Variants in TMIGD1 observed in about 807,000 individuals in gnomAD.
TMIGD1 encodes the protein transmembrane and immunoglobulin domain-containing protein 1.
A neutral mutation model predicts 27.5 loss-of-function variants in TMIGD1; 29 were observed. The observed-to-expected ratio is 1.05, with a 90% CI of 0.78 to 1.44. The LOEUF (loss-of-function observed/expected upper bound fraction) is 1.44, where lower values mean the gene tolerates loss of function less well. TMIGD1 is among the 40% of genes most tolerant of loss of function. TMIGD1 has a pLI of 0.00. For synonymous variants in TMIGD1, 109 were observed against 110.3 expected (o/e 0.99, Z 0.07); for missense variants, 334 against 310.6 (o/e 1.08, Z -0.57).
At chr17:30,320,192 C>T (rs1355999348) in intron 4 of TMIGD1, among the ~76,000 whole-genome samples, 1 of 151,994 alleles carries the variant, frequency 6.6e-6, no homozygotes, top group East Asian at 1.9e-4. Context: ...CACGTGCTAC[C>T]ATACCGAGAT....
intron 4 of TMIGD1, 126 bp from the exon 5 acceptor site, chr17:30,319,039 A>C (rs6505173): frequency 2.9e-6 from 2 of 680,422 alleles, no homozygotes; most frequent in Admixed American, 4.7e-5. Flanking sequence ...AATCTCAAAA[A>C]GTAGGTATGA....
rs1189637037 is a variant in TMIGD1 at position 30,316,637 on chromosome 17, G to A, written c.*50C>T. On this transcript the variant is annotated 3_prime_UTR_variant, in exon 7 of 7. Coordinates refer to ENST00000328886, the MANE Select transcript of TMIGD1 (RefSeq NM_206832.3). ...ATACAGATGGGACTACATAAATTGTGGAGGTCCTGATGCAAAACTCTCTCT... is the reference window on the plus strand; with the variant it reads ...ATACAGATGGGACTACATAAATTGTAGAGGTCCTGATGCAAAACTCTCTCT... 6.3e-7 allele frequency: 1 copy of A among 1,599,934 alleles called. No individual in the cohort carries two copies. Among genetic ancestry groups the A allele is most frequent in the Admixed American group, 1.7e-5 (1 of 59,148 alleles).
chr17:30,321,085 T>C (rs542963315), intron 4 of TMIGD1, among the ~76,000 whole-genome samples: 1 of 152,212 alleles, frequency 6.6e-6, no homozygotes, highest in East Asian at 1.9e-4. Flanking sequence ...CTCGAACTCC[T>C]GACATTAAGT....
chr17:30,332,120 C>T lies in TMIGD1; in HGVS notation c.14G>A (p.Ser5Asn). The change falls in exon 2 of 7, where the codon AGC becomes AAC. Residue 5 changes from serine (S) to asparagine (N), a missense_variant. Transcript: ENST00000328886. MAWKSSVIMQMGRFL... is the reference protein window; with the variant it reads MAWKNSVIMQMGRFL... ...TCTTCCCATTTGCATTATGACACTG[C>T]TCTTCCATGCCATCTTTAATGAGTT... 6.2e-7 allele frequency: 1 copy of T among 1,612,930 alleles called. No individual in the cohort carries two copies. Among genetic ancestry groups the T allele is most frequent in the Non-Finnish European group, 8.5e-7 (1 of 1,179,434 alleles).
At position 30,316,624 on chromosome 17, in the gene TMIGD1, C is replaced by A. The variant is rs761818137; in HGVS notation, c.*63G>T. 5.2e-6 allele frequency: 8 copies of A among 1,547,298 alleles called. No homozygotes were observed. Among genetic ancestry groups the A allele is most frequent in the Non-Finnish European group, 7.1e-6 (8 of 1,123,462 alleles). On this transcript the variant is annotated 3_prime_UTR_variant, in exon 7 of 7. Coordinates refer to ENST00000328886, the MANE Select transcript of TMIGD1 (RefSeq NM_206832.3). ...ATAATAGCAATAAATACAGATGGGA[C>A]TACATAAATTGTGGAGGTCCTGATG...
chr17:30,324,611 A>T (rs891424033), intron 4 of TMIGD1, among the ~76,000 whole-genome samples: 1 of 152,238 alleles, frequency 6.6e-6, no homozygotes, highest in Non-Finnish European at 1.5e-5. Flanking sequence ...CTCAAAAAAC[A>T]GTGTCCTGTA....
At chr17:30,324,252 A>T (rs1909702468) in intron 4 of TMIGD1, among the ~76,000 whole-genome samples, 2 of 152,120 alleles carry the variant, frequency 1.3e-5, no homozygotes. Context: ...ATGAGGAGGG[A>T]AAACCCCACA....
chr17:30,325,091 G>A lies in TMIGD1; in HGVS notation c.365C>T (p.Pro122Leu). 1 of 1,609,158 alleles carries A rather than the reference G, an allele frequency of 6.2e-7. No individual in the cohort carries two copies. The highest frequency in any genetic ancestry group is 1.1e-5 in the South Asian group (1 of 90,852). Residue 122 changes from proline to leucine, a missense_variant, in exon 4 of 7, where the codon CCT (proline) becomes CTT (leucine). Coordinates refer to ENST00000328886, the MANE Select transcript of TMIGD1 (RefSeq NM_206832.3). ...GAAGTCGTTTCCACTTAGGAGAGGA[G>A]GAACTGCAAGACTCAAGCATTTAGA... ...SVSVVLNVTF[P>L]PLLSGNDFQT...
intron 4 of TMIGD1, among the ~76,000 whole-genome samples, chr17:30,320,031 A>G (rs1909565350): frequency 6.6e-6 from 1 of 151,830 alleles, no homozygotes; most frequent in African/African-American, 2.4e-5. Flanking sequence ...CACCAGGTCA[A>G]CTGAGAGCTA....
Position 30,329,400 on chromosome 17 carries a change from T to A in TMIGD1, c.212A>T (p.Glu71Val). The A allele has an allele frequency of 6.2e-7, 1 of 1,614,154 alleles. No homozygotes were observed. Among genetic ancestry groups the A allele is most frequent in the Non-Finnish European group, 8.5e-7 (1 of 1,180,016 alleles). Residue 71 changes from glutamate to valine, a missense_variant, in exon 3 of 7, where the codon GAG becomes GTG. By Grantham distance (121) the Glu-to-Val change is moderately radical. Coordinates refer to ENST00000328886, the MANE Select transcript of TMIGD1 (RefSeq NM_206832.3). ...REEELLWYRE[E>V]GRVDLKSGNK... is the part of the protein sequence containing the mutation. ...TCCAGATTTCAAATCCACTCTCCCC[T>A]CCTCTCGGTACCAGAGCAGTTCTTC...
At position 30,329,471 on chromosome 17, in the gene TMIGD1, G is replaced by C; in HGVS notation, c.141C>G (p.Gly47=). The change falls in exon 3 of 7, where the codon GGC becomes GGG. Residue 47 remains glycine (G), a synonymous_variant. Transcript: ENST00000328886. ...CAGCACATATCAGAGATGCTTGGGA[G>C]CCAGGTGTAGTATCCAGGATATAGT... ...TENYILDTTP[G]SQASLICAVQ... 3 of 1,614,170 alleles carry C rather than the reference G, an allele frequency of 1.9e-6. No individual in the cohort carries two copies. Among genetic ancestry groups the C allele is most frequent in the Non-Finnish European group, 2.5e-6 (3 of 1,180,016 alleles).
At chr17:30,326,324 T>C (rs898897145) in intron 3 of TMIGD1, among the ~76,000 whole-genome samples, 5 of 152,202 alleles carry the variant, frequency 3.3e-5, no homozygotes, top group African/African-American at 1.2e-4. Context: ...CTGTAAAAAT[T>C]AGTACATTTT....
Position 30,329,520 on chromosome 17 carries a change from A to G in TMIGD1, c.92T>C (p.Leu31Ser). 1 of 1,609,152 alleles carries G rather than the reference A, an allele frequency of 6.2e-7. No homozygotes were observed. Among genetic ancestry groups the G allele is most frequent in the South Asian group, 1.1e-5 (1 of 91,006 alleles). ...FLPREMTSSV[L>S]TVNGKTENYI... Reference sequence around the variant, plus strand: ...GTTCTCAGTTTTACCATTCACAGTTAAAACAGAACCTGGGAGTATAGGGAG... The same window carrying G: ...GTTCTCAGTTTTACCATTCACAGTTGAAACAGAACCTGGGAGTATAGGGAG... Residue 31 changes from leucine (L) to serine (S), a missense_variant, in exon 3 of 7, where the codon TTA (leucine) becomes TCA (serine). Physicochemically the swap from Leu to Ser is moderately radical, Grantham distance 145. Transcript: ENST00000328886.
intron 4 of TMIGD1, among the ~76,000 whole-genome samples, chr17:30,320,332 G>A (rs1909577551): frequency 1.3e-5 from 2 of 151,956 alleles, no homozygotes. Flanking sequence ...CACCGCACCG[G>A]GCCAAGAGCT....
In TMIGD1 at chr17:30,325,041, C is replaced by T; in HGVS notation, c.415G>A (p.Val139Met). The T allele has an allele frequency of 6.2e-7, 1 of 1,614,100 alleles. No homozygotes were observed. Among genetic ancestry groups the T allele is most frequent in the Non-Finnish European group, 8.5e-7 (1 of 1,179,990 alleles). ...DFQTVEEGSN[V>M]KLVCNVKANP... Reference sequence around the variant, plus strand: ...GCTTTCACATTGCAAACCAACTTCACATTACTGCCTTCCTCAACTGTTTGG... The same window carrying T: ...GCTTTCACATTGCAAACCAACTTCATATTACTGCCTTCCTCAACTGTTTGG... Residue 139 changes from valine (V) to methionine (M), a missense_variant, in exon 4 of 7, where the codon GTG (valine) becomes ATG (methionine). Physicochemically the swap from Val to Met is conservative, Grantham distance 21. Transcript: ENST00000328886.
chr17:30,329,917 A>G (rs913671462), intron 2 of TMIGD1, among the ~76,000 whole-genome samples: 2 of 123,132 alleles, frequency 1.6e-5, no homozygotes, highest in Non-Finnish European at 3.6e-5. Context: ...CAAAAAATAA[A>G]AAAATAAAAA....
At chr17:30,331,317 TTTC>T (rs1909971118) in intron 2 of TMIGD1, among the ~76,000 whole-genome samples, 1 of 129,538 alleles carries the variant, frequency 7.7e-6, no homozygotes, top group Non-Finnish European at 1.8e-5. Context: ...GATTTGTACT[TTTC>T]TTTTTTTTTT....
chr17:30,325,075 T>C lies in TMIGD1; in HGVS notation c.381A>G (p.Gly127=). Residue 127 remains glycine, a synonymous_variant, in exon 4 of 7, where the codon GGA becomes GGG. Transcript: ENST00000328886. ...CTTCCTCAACTGTTTGGAAGTCGTT[T>C]CCACTTAGGAGAGGAGGAACTGCAA... ...LNVTFPPLLS[G]NDFQTVEEGS... The C allele has an allele frequency of 6.2e-7, 1 of 1,612,958 alleles. No individual in the cohort carries two copies. The highest frequency in any genetic ancestry group is 8.5e-7 in the Non-Finnish European group (1 of 1,179,136).
At chr17:30,328,996 A>G (rs1216991758) in intron 3 of TMIGD1, among the ~76,000 whole-genome samples, 2 of 149,746 alleles carry the variant, frequency 1.3e-5, no homozygotes, top group East Asian at 3.9e-4. Flanking sequence ...AGAAAGAAAA[A>G]AGAAAAAGAA....
Sources: gnomAD v4.1 joint callset for allele counts (sites outside exome capture counted in the v4.1 genomes callset) on GRCh38, gnomAD v4.1.1 for gene constraint, MANE v1.5 for transcripts, NCBI Gene and HGNC (gene_info 2026-07-23, HGNC 2026-07-21) for gene names.